Variants in SLX4IP observed in about 807,000 individuals in gnomAD.
SLX4IP encodes the protein SLX4 interacting protein.
SLX4IP carries 34 observed loss-of-function variants against 32.9 expected under a neutral mutation model. That is an observed-to-expected ratio of 1.03 (90% CI 0.79 to 1.38). The LOEUF is 1.38. SLX4IP is among the 40% of genes most tolerant of loss of function. SLX4IP has a pLI of 0.00. For synonymous variants in SLX4IP, 172 were observed against 171.7 expected, an observed-to-expected ratio of 1.00 and a Z score of -0.01; for missense variants, 444 against 479.0, an observed-to-expected ratio of 0.93 and a Z score of 0.68.
At chr20:10,576,066 C>A (rs545770373) in intron 4 of SLX4IP, among the ~76,000 whole-genome samples, 2 of 152,236 alleles carry the variant, frequency 1.3e-5, no homozygotes, top group East Asian at 3.9e-4. Context: ...AGAGAGCTTT[C>A]ATTTTCAAAT....
At chr20:10,546,206 C>T (rs948835326) in intron 2 of SLX4IP, among the ~76,000 whole-genome samples, 3 of 152,210 alleles carry the variant, frequency 2.0e-5, no homozygotes, top group Non-Finnish European at 2.9e-5. Context: ...TTCCCAGCCA[C>T]TTTGCACCCT....
At chr20:10,472,308 G>C (rs2065431621) in intron 2 of SLX4IP, among the ~76,000 whole-genome samples, 1 of 150,114 alleles carries the variant, frequency 6.7e-6, no homozygotes, top group African/African-American at 2.5e-5. Context: ...TCGGCTTACT[G>C]CAACCTGTGC....
At chr20:10,537,746 A>G (rs770023248) in intron 2 of SLX4IP, among the ~76,000 whole-genome samples, 8 of 152,210 alleles carry the variant, frequency 5.3e-5, no homozygotes, top group Non-Finnish European at 8.8e-5. Context: ...CCTTATGCAA[A>G]TGCCCCATGC....
intron 1 of SLX4IP, among the ~76,000 whole-genome samples, chr20:10,447,922 C>G (rs887698907): frequency 6.9e-6 from 1 of 143,888 alleles, no homozygotes; most frequent in Non-Finnish European, 1.5e-5. Context: ...CTAGGCTGGT[C>G]TCGAACTCCT....
chr20:10,460,056 T>C (rs935933329), intron 2 of SLX4IP, among the ~76,000 whole-genome samples: 3 of 152,224 alleles, frequency 2.0e-5, no homozygotes, highest in African/African-American at 7.2e-5. Flanking sequence ...TTGCTTTCAG[T>C]TGTTTTTTGT....
chr20:10,508,244 G>A (rs1365739077), intron 2 of SLX4IP, among the ~76,000 whole-genome samples: 2 of 152,228 alleles, frequency 1.3e-5, no homozygotes, highest in African/African-American at 4.8e-5. Flanking sequence ...CGAGCACCTA[G>A]TTTGGGCTTA....
intron 2 of SLX4IP, among the ~76,000 whole-genome samples, chr20:10,534,046 G>A (rs1478357510): frequency 1.3e-5 from 2 of 152,184 alleles, no homozygotes; most frequent in Non-Finnish European, 2.9e-5. Context: ...GGGAGAGTCT[G>A]CATGTGGAGC....
intron 4 of SLX4IP, among the ~76,000 whole-genome samples, chr20:10,563,462 T>G (rs150413911): frequency 6.6e-6 from 1 of 152,350 alleles, no homozygotes; most frequent in East Asian, 1.9e-4. Flanking sequence ...TGAAGTCTGA[T>G]TCATAAAATC....
At chr20:10,605,543 C>T (rs2066896167) in intron 6 of SLX4IP, among the ~76,000 whole-genome samples, 2 of 152,206 alleles carry the variant, frequency 1.3e-5, no homozygotes, top group Non-Finnish European at 2.9e-5. Flanking sequence ...AGTCCAAAAT[C>T]CCCCAGCCCT....
intron 4 of SLX4IP, among the ~76,000 whole-genome samples, chr20:10,596,184 C>G (rs2066769332): frequency 6.6e-6 from 1 of 152,152 alleles, no homozygotes; most frequent in South Asian, 2.1e-4. Flanking sequence ...GGACTCAAAA[C>G]TGTAGCTTTC....
At chr20:10,476,156 G>GTATA (rs745792758) in intron 2 of SLX4IP, among the ~76,000 whole-genome samples, 1 of 150,710 alleles carries the variant, frequency 6.6e-6, no homozygotes, top group Admixed American at 6.8e-5. Flanking sequence ...GTGTGTGTGT[G>GTATA]TATATATATA....
intron 4 of SLX4IP, 85 bp downstream of exon 4, chr20:10,560,905 G>A (rs1304373984): frequency 7.7e-7 from 1 of 1,294,946 alleles, no homozygotes; most frequent in Non-Finnish European, 1.0e-6. Flanking sequence ...GACTCTGACT[G>A]TCATGTTAGT....
At chr20:10,583,092 G>T (rs1393669599) in intron 4 of SLX4IP, among the ~76,000 whole-genome samples, 5 of 152,072 alleles carry the variant, frequency 3.3e-5, no homozygotes, top group Admixed American at 3.3e-4. Flanking sequence ...TCTGTTGCCA[G>T]CATCCCAGTT....
At chr20:10,574,714 G>C (rs905719487) in intron 4 of SLX4IP, among the ~76,000 whole-genome samples, 2 of 152,028 alleles carry the variant, frequency 1.3e-5, no homozygotes, top group African/African-American at 2.4e-5. Flanking sequence ...TTTCACTCTT[G>C]TTGCCCAGGC....
At chr20:10,481,837 C>T (rs537296506) in intron 2 of SLX4IP, among the ~76,000 whole-genome samples, 31 of 152,248 alleles carry the variant, frequency 2.0e-4, no homozygotes, top group Non-Finnish European at 1.6e-4. Flanking sequence ...CGCTCAGTCG[C>T]GGGGAGGATC....
chr20:10,491,252 A>G (rs2065620920), intron 2 of SLX4IP, among the ~76,000 whole-genome samples: 1 of 152,218 alleles, frequency 6.6e-6, no homozygotes, highest in Admixed American at 6.5e-5. Flanking sequence ...TGCCAAACAT[A>G]ATACCCATCA....
At chr20:10,495,456 A>G (rs2065658850) in intron 2 of SLX4IP, among the ~76,000 whole-genome samples, 1 of 152,210 alleles carries the variant, frequency 6.6e-6, no homozygotes, top group Non-Finnish European at 1.5e-5. Context: ...AGTATAATTA[A>G]AAAGAATTCG....
At position 10,531,394 on chromosome 20, in the gene SLX4IP, G is replaced by A. The variant is rs560795458; in HGVS notation, c.28-24837G>A. On this transcript the variant is annotated intron_variant, in intron 2 of 7. Coordinates refer to ENST00000334534, the MANE Select transcript of SLX4IP (RefSeq NM_001009608.3). ...TTATATGTCCTCTATGGTCTTATTT[G>A]TCTTTGCCTCCTTGATCTGACATGG... Among the ~76,000 whole-genome samples the A allele has an allele frequency of 1.1e-4, 17 of 152,298 alleles. No individual in the cohort carries two copies. The South Asian group carries it at 3.5e-3, about 32-fold the overall frequency.
chr20:10,470,483 C>T (rs1400489744), intron 2 of SLX4IP, among the ~76,000 whole-genome samples: 6 of 152,276 alleles, frequency 3.9e-5, no homozygotes, highest in African/African-American at 9.6e-5. Context: ...GGAAGCTAGG[C>T]CTCTATATGT....
Sources: gnomAD v4.1 joint callset for allele counts (sites outside exome capture counted in the v4.1 genomes callset) on GRCh38, gnomAD v4.1.1 for gene constraint, MANE v1.5 for transcripts, NCBI Gene and HGNC (gene_info 2026-07-23, HGNC 2026-07-21) for gene names.